The following TCAIM variants were observed in gnomAD, a reference collection of about 807,000 sequenced individuals.
The protein encoded by TCAIM is T cell activation inhibitor, mitochondrial.
Under a neutral mutation model 58.6 loss-of-function variants are expected in TCAIM, and 36 were observed. The ratio of observed to expected loss-of-function variants is 0.61; its 90% CI spans 0.47 to 0.81. The LOEUF is 0.81. TCAIM is among the 30% of genes least tolerant of loss of function. The probability of loss-of-function intolerance (pLI) is 0.00; values close to 1 mark genes in which losing one functional copy is unlikely to be tolerated. For missense variants in TCAIM, 466 were observed against 579.6 expected (o/e 0.80, Z 2.01); for synonymous variants, 172 against 193.6 (o/e 0.89, Z 0.93).
At chr3:44,345,912 T>G (rs1225082682) in intron 1 of TCAIM, among the ~76,000 whole-genome samples, 1 of 152,042 alleles carries the variant, frequency 6.6e-6, no homozygotes, top group Non-Finnish European at 1.5e-5. Flanking sequence ...TATGAGTAGT[T>G]GAGAATGGTG....
intron 9 of TCAIM, 52 bp from the exon 10 acceptor site, chr3:44,401,151 G>C: frequency 1.9e-6 from 3 of 1,588,714 alleles, no homozygotes; most frequent in Non-Finnish European, 2.6e-6. Flanking sequence ...TTTCTCTGGT[G>C]GGGGAGAGGA....
intron 5 of TCAIM, among the ~76,000 whole-genome samples, chr3:44,390,273 T>G (rs141732164): frequency 6.6e-6 from 1 of 152,316 alleles, no homozygotes; most frequent in East Asian, 1.9e-4. Context: ...TCTAAAACAT[T>G]TAAAGTGAAT....
At chr3:44,396,984 A>T in intron 8 of TCAIM, 150 bp downstream of exon 8, 1 of 683,784 alleles carries the variant, frequency 1.5e-6, no homozygotes, top group Non-Finnish European at 2.4e-6. Context: ...CTGTTTTCAG[A>T]TCAGATGCTT....
intron 1 of TCAIM, chr3:44,339,782 G>A (rs146473293): frequency 1.1e-3 from 164 of 152,224 alleles, no homozygotes; most frequent in African/African-American, 3.8e-3. Context: ...GTGCATGTTT[G>A]TATTATTGCA....
In TCAIM at chr3:44,357,825, T is replaced by C. The variant is rs778511079; in HGVS notation, c.114T>C (p.Pro38=). The part of the protein sequence containing the change: ...SGAEAVNALR[P]FYFAVHPDFF... ...CTGAAGCAGTCAATGCCTTGAGGCC[T>C]TTCTATTTTGCAGTACATCCAGATT... The change falls in exon 3 of 11, where the codon CCT becomes CCC. Residue 38 remains proline, a synonymous_variant. Transcript: ENST00000342649. The C allele has an allele frequency of 6.2e-7, 1 of 1,614,164 alleles. No homozygotes were observed. Among genetic ancestry groups the C allele is most frequent in the Non-Finnish European group, 8.5e-7 (1 of 1,180,006 alleles).
intron 4 of TCAIM, among the ~76,000 whole-genome samples, chr3:44,364,230 A>C (rs1381747974): frequency 1.3e-5 from 2 of 151,274 alleles, no homozygotes; most frequent in Non-Finnish European, 3.0e-5. Context: ...CCTGGCTGAG[A>C]CTGTCATTTA....
chr3:44,400,294 A>G (rs1472654105), intron 8 of TCAIM, 61 bp from the exon 9 acceptor site: 4 of 1,293,916 alleles, frequency 3.1e-6, no homozygotes, highest in Non-Finnish European at 4.3e-6. Flanking sequence ...TTGGAATTCT[A>G]AAATTAAATT....
chr3:44,380,494 A>G (rs1701639104), intron 5 of TCAIM, among the ~76,000 whole-genome samples: 1 of 152,180 alleles, frequency 6.6e-6, no homozygotes. Context: ...AATTCAGTGA[A>G]GCAATGCTAA....
Position 44,376,572 on chromosome 3 carries a change from A to T in TCAIM, c.572+8864A>T, listed in dbSNP as rs111562012. Among the ~76,000 whole-genome samples the T allele has an allele frequency of 8.5e-3, 1,297 of 152,316 alleles. 15 individuals carry two copies. The highest frequency in any genetic ancestry group is 0.026 in the African/African-American group (1,087 of 41,574). ...AAGAAAATAACTAAAGAATATACAC[A>T]AAAGGAAACGAGAAAGGAATTTAAA... On this transcript the variant is annotated intron_variant, in intron 5 of 10. Transcript: ENST00000342649.
intron 5 of TCAIM, among the ~76,000 whole-genome samples, chr3:44,382,023 A>G (rs1701663265): frequency 6.6e-6 from 1 of 152,238 alleles, no homozygotes; most frequent in African/African-American, 2.4e-5. Context: ...AAGGATCAGA[A>G]GATAATATTA....
At chr3:44,366,999 T>C (rs2125637474) in intron 4 of TCAIM, among the ~76,000 whole-genome samples, 1 of 152,230 alleles carries the variant, frequency 6.6e-6, no homozygotes, top group East Asian at 1.9e-4. Context: ...CAAGATGGGT[T>C]TCTGTGACCA....
chr3:44,372,077 G>GGAAGGA (rs1232901051), intron 5 of TCAIM, among the ~76,000 whole-genome samples: 1 of 146,104 alleles, frequency 6.8e-6, no homozygotes, highest in East Asian at 2.1e-4. Flanking sequence ...AAGGAAGGAA[G>GGAAGGA]ATACAGTATT....
intron 1 of TCAIM, among the ~76,000 whole-genome samples, chr3:44,354,202 C>G (rs1237796689): frequency 6.6e-6 from 1 of 152,176 alleles, no homozygotes; most frequent in East Asian, 1.9e-4. Flanking sequence ...GCCTTTGTTC[C>G]TTTGCCAAAG....
At chr3:44,401,103 A>G (rs996681135) in intron 9 of TCAIM, 100 bp from the exon 10 acceptor site, 6 of 1,505,762 alleles carry the variant, frequency 4.0e-6, no homozygotes, top group Non-Finnish European at 5.3e-6. Flanking sequence ...GCTTTTCTTG[A>G]TGATTTTTTT....
At chr3:44,392,701 C>T (rs1388564650) in intron 5 of TCAIM, among the ~76,000 whole-genome samples, 154 bp from the exon 6 acceptor site, 1 of 152,086 alleles carries the variant, frequency 6.6e-6, no homozygotes, top group Admixed American at 6.6e-5. Flanking sequence ...ATATATGTAC[C>T]ACATTTTCTT....
chr3:44,355,269 G>A (rs1355816857), intron 2 of TCAIM, among the ~76,000 whole-genome samples: 1 of 152,182 alleles, frequency 6.6e-6, no homozygotes, highest in Non-Finnish European at 1.5e-5. Context: ...CAGGGAGGAT[G>A]CATTAGGGCT....
chr3:44,400,301 AATT>A, intron 8 of TCAIM, 51 bp from the exon 9 acceptor site: 1 of 1,332,206 alleles, frequency 7.5e-7, no homozygotes, highest in Non-Finnish European at 1.0e-6. Context: ...TCTAAAATTA[AATT>A]ATTATAGTAA....
At chr3:44,369,600 A>G (rs1417932295) in intron 5 of TCAIM, among the ~76,000 whole-genome samples, 1 of 152,236 alleles carries the variant, frequency 6.6e-6, no homozygotes, top group African/African-American at 2.4e-5. Context: ...ACTCAACAAG[A>G]TAAGTGTATT....
intron 5 of TCAIM, among the ~76,000 whole-genome samples, chr3:44,381,190 T>C (rs1701649349): frequency 6.6e-6 from 1 of 152,178 alleles, no homozygotes; most frequent in Non-Finnish European, 1.5e-5. Flanking sequence ...GTGTGCTTTA[T>C]GAACATTAAT....
Sources: gnomAD v4.1 joint callset for allele counts (sites outside exome capture counted in the v4.1 genomes callset) on GRCh38, gnomAD v4.1.1 for gene constraint, MANE v1.5 for transcripts, NCBI Gene and HGNC (gene_info 2026-07-23, HGNC 2026-07-21) for gene names.